Variants in KCNMB2 observed in about 807,000 individuals in gnomAD.
The protein encoded by KCNMB2 is potassium calcium-activated channel subfamily M regulatory beta subunit 2.
KCNMB2 carries 9 observed loss-of-function variants against 24.5 expected under a neutral mutation model. That is an observed-to-expected ratio of 0.37 (90% confidence interval 0.22 to 0.64). The LOEUF is 0.64. KCNMB2 is among the 30% of genes least tolerant of loss of function. The pLI is 0.63. For synonymous variants in KCNMB2, 109 were observed against 104.4 expected (o/e 1.04, Z -0.27); for missense variants, 226 against 284.3 (o/e 0.79, Z 1.47).
At chr3:178,735,100 T>C (rs377133970) in intron 1 of KCNMB2, among the ~76,000 whole-genome samples, 14 of 152,370 alleles carry the variant, frequency 9.2e-5, no homozygotes, top group Admixed American at 3.9e-4. Flanking sequence ...TGCCTTCTGC[T>C]ACAAGCTTTA....
chr3:178,843,189 T>G lies in KCNMB2; in HGVS notation c.*252T>G, dbSNP rs939638572. Reference sequence around the variant, plus strand: ...TTTCTGTACTGGAACTAGTACTTTCTTCTCTCATTCCGCCAAAACAGGGCT... The same window carrying G: ...TTTCTGTACTGGAACTAGTACTTTCGTCTCTCATTCCGCCAAAACAGGGCT... On this transcript the variant is annotated 3_prime_UTR_variant, in exon 5 of 5. Transcript: ENST00000452583. 1.8e-6 allele frequency: 1 copy of G among 566,326 alleles called. No individual in the cohort carries two copies. Among genetic ancestry groups the G allele is most frequent in the Non-Finnish European group, 3.3e-6 (1 of 298,898 alleles). 35.1% of individuals were successfully genotyped at this position (566,326 alleles called of 1,614,324 possible). A position where few individuals can be genotyped will look rare whatever the true frequency, so the allele number is the denominator to read the frequency against.
chr3:178,728,509 T>A (rs1335721686), intron 1 of KCNMB2, among the ~76,000 whole-genome samples: 1 of 152,262 alleles, frequency 6.6e-6, no homozygotes, highest in East Asian at 1.9e-4. Context: ...AGAGAAGTTA[T>A]GAATCACGTG....
At chr3:178,639,334 G>T (rs1170128541) in intron 1 of KCNMB2, among the ~76,000 whole-genome samples, 4 of 152,116 alleles carry the variant, frequency 2.6e-5, no homozygotes, top group Non-Finnish European at 5.9e-5. Context: ...CAGCTAATAA[G>T]TGAAAATCAC....
rs143739480 is a variant in KCNMB2, at chr3:178,843,835, T to C, written c.*898T>C. 5.8e-4 allele frequency: 88 copies of C among 152,336 alleles called. No homozygotes were observed. Among genetic ancestry groups the C allele is most frequent in the African/African-American group, 2.0e-3 (84 of 41,580 alleles). The allele number at this position is 152,336 out of a possible 1,614,324, so 9.4% of individuals were successfully genotyped here. Reference sequence around the variant, plus strand: ...GTGGACTGGTTTCAATGGGTAAATGTGTTGTGGCAAATTAATGTGTTGGAA... The same window carrying C: ...GTGGACTGGTTTCAATGGGTAAATGCGTTGTGGCAAATTAATGTGTTGGAA... On this transcript the variant is annotated 3_prime_UTR_variant, in exon 5 of 5. Coordinates refer to ENST00000452583, the MANE Select transcript of KCNMB2 (RefSeq NM_181361.3).
chr3:178,649,400 C>G (rs1269623745), intron 1 of KCNMB2, among the ~76,000 whole-genome samples: 1 of 151,982 alleles, frequency 6.6e-6, no homozygotes, highest in African/African-American at 2.4e-5. Flanking sequence ...AGGGATCCAG[C>G]TTTATTTTTT....
chr3:178,822,456 T>C lies in KCNMB2; in HGVS notation c.57-3132T>C, dbSNP rs141600192. Among the ~76,000 whole-genome samples, 1,285 of 152,362 alleles carry C rather than the reference T, an allele frequency of 8.4e-3. 19 individuals are homozygous for C. Among genetic ancestry groups the C allele is most frequent in the African/African-American group, 0.029 (1,213 of 41,578 alleles). On this transcript the variant is annotated intron_variant, in intron 2 of 4. Coordinates refer to ENST00000452583, the MANE Select transcript of KCNMB2 (RefSeq NM_181361.3). ...TTTTCACCCCACGCTGATATTTATA[T>C]ACATGTCTGTTTTCCTTTGGGGCAG...
Position 178,586,538 on chromosome 3 carries a change from C to CTTTTTTTTTTTTTTTTTTTTT in KCNMB2, c.-68+49832_-68+49852dup. ...ATTTTCTTTTCTTTTTTTTTTCTTT[C>CTTTTTTTTTTTTTTTTTTTTT]TTTTTTTTTTTTTTTTTTTTTTTTT... is the stretch of plus-strand genomic sequence containing the variant. On this transcript the variant is annotated intron_variant, in intron 1 of 4. Transcript: ENST00000452583. 3.9e-3 allele frequency among the ~76,000 whole-genome samples: 268 copies of CTTTTTTTTTTTTTTTTTTTTT among 68,514 alleles called. 10 individuals carry two copies. Among genetic ancestry groups the CTTTTTTTTTTTTTTTTTTTTT allele is most frequent in the Admixed American group, 5.8e-3 (23 of 3,986 alleles). The allele number at this position is 68,514 out of a possible 152,430, so 44.9% of individuals were successfully genotyped here.
chr3:178,585,760 G>A (rs924201134), intron 1 of KCNMB2, among the ~76,000 whole-genome samples: 2 of 152,164 alleles, frequency 1.3e-5, no homozygotes, highest in African/African-American at 4.8e-5. Flanking sequence ...GCAATATAAT[G>A]CTAGTTTTCT....
chr3:178,566,234 A>G (rs1278302978), intron 1 of KCNMB2, among the ~76,000 whole-genome samples: 2 of 152,338 alleles, frequency 1.3e-5, no homozygotes, highest in African/African-American at 4.8e-5. Flanking sequence ...TATTAGTCCA[A>G]CTTTTTCCGG....
chr3:178,797,882 A>G (rs1478290594), intron 1 of KCNMB2, among the ~76,000 whole-genome samples: 3 of 152,002 alleles, frequency 2.0e-5, no homozygotes, highest in African/African-American at 7.3e-5. Context: ...TAGGTATTTT[A>G]TTCACTTTGT....
chr3:178,552,377 TA>T (rs34717977), intron 1 of KCNMB2, among the ~76,000 whole-genome samples: 17,124 of 139,298 alleles, frequency 0.12, 1,145 homozygotes, highest in Middle Eastern at 0.22. Context: ...TTTTTTGAAT[TA>T]AACCCCCCCC....
chr3:178,814,135 A>G (rs1316436891), intron 2 of KCNMB2, among the ~76,000 whole-genome samples: 5 of 151,562 alleles, frequency 3.3e-5, no homozygotes, highest in Admixed American at 3.3e-4. Flanking sequence ...TAGTTTTTCA[A>G]CTCTTTTTTC....
chr3:178,794,136 G>A lies in KCNMB2; in HGVS notation c.-67-13207G>A, dbSNP rs73051694. Among the ~76,000 whole-genome samples the A allele has an allele frequency of 3.5e-3, 526 of 152,204 alleles. 8 individuals carry two copies. The highest frequency in any genetic ancestry group is 0.012 in the African/African-American group (482 of 41,530). On this transcript the variant is annotated intron_variant, in intron 1 of 4. Coordinates refer to ENST00000452583, the MANE Select transcript of KCNMB2 (RefSeq NM_181361.3). The stretch of plus-strand genomic sequence containing the variant: ...ACACTAAGGGCCTGGTGAACACTAC[G>A]CCTTTGCAGAACACCACCAACAACA...
chr3:178,706,482 TG>T (rs1722281751), intron 1 of KCNMB2, among the ~76,000 whole-genome samples: 1 of 152,110 alleles, frequency 6.6e-6, no homozygotes, highest in Non-Finnish European at 1.5e-5. Context: ...TATTTCCCAA[TG>T]GGTGCAGATG....
At chr3:178,583,862 C>T (rs955297307) in intron 1 of KCNMB2, among the ~76,000 whole-genome samples, 2 of 152,188 alleles carry the variant, frequency 1.3e-5, no homozygotes, top group Non-Finnish European at 2.9e-5. Context: ...CTGTTCACTG[C>T]ACTCCATAGT....
intron 1 of KCNMB2, among the ~76,000 whole-genome samples, chr3:178,614,251 A>ATATATATATG: frequency 5.5e-5 from 1 of 18,058 alleles, no homozygotes; most frequent in Non-Finnish European, 9.3e-5. Context: ...CTAATTTTAT[A>ATATATATATG]TATATATATA....
intron 1 of KCNMB2, among the ~76,000 whole-genome samples, chr3:178,593,343 G>C (rs753582721): frequency 1.3e-5 from 2 of 152,044 alleles, no homozygotes; most frequent in Non-Finnish European, 2.9e-5. Context: ...TATATCACCT[G>C]ACTCAGTTCC....
chr3:178,735,332 TG>T (rs983828374), intron 1 of KCNMB2, among the ~76,000 whole-genome samples: 4 of 113,902 alleles, frequency 3.5e-5, no homozygotes, highest in African/African-American at 1.6e-4. Flanking sequence ...CACTCCAGGG[TG>T]CCAAGAAAGG....
intron 1 of KCNMB2, among the ~76,000 whole-genome samples, chr3:178,778,455 GAC>G (rs71628070): frequency 0.046 from 5,847 of 127,276 alleles, 268 homozygotes; most frequent in African/African-American, 0.12. Flanking sequence ...TACCCTTTAA[GAC>G]ACACACACAC....
Sources: gnomAD v4.1 joint callset for allele counts (sites outside exome capture counted in the v4.1 genomes callset) on GRCh38, gnomAD v4.1.1 for gene constraint, MANE v1.5 for transcripts, NCBI Gene and HGNC (gene_info 2026-07-23, HGNC 2026-07-21) for gene names.